Variants in HSD17B12 observed in about 807,000 individuals in gnomAD.
The protein encoded by HSD17B12 is hydroxysteroid 17-beta dehydrogenase 12.
In HSD17B12, 32 loss-of-function variants were observed where a neutral mutation model predicts 39.3. The ratio of observed to expected loss-of-function variants is 0.81; its 90% CI spans 0.61 to 1.09. The LOEUF is 1.09. HSD17B12 is among the 50% of genes least tolerant of loss of function. The probability of loss-of-function intolerance (pLI) is 0.00; values close to 1 mark genes in which losing one functional copy is unlikely to be tolerated. For missense variants in HSD17B12, 342 were observed against 382.9 expected (o/e 0.89, Z 0.89); for synonymous variants, 150 against 146.7 (o/e 1.02, Z -0.16).
intron 4 of HSD17B12, among the ~76,000 whole-genome samples, chr11:43,800,910 G>T (rs963706855): frequency 5.9e-5 from 9 of 152,102 alleles, no homozygotes; most frequent in Admixed American, 5.9e-4. Flanking sequence ...AGGCCAAGGC[G>T]AGAGGATCAC....
At chr11:43,810,884 A>G (rs1471677163) in intron 4 of HSD17B12, among the ~76,000 whole-genome samples, 1 of 152,208 alleles carries the variant, frequency 6.6e-6, no homozygotes, top group African/African-American at 2.4e-5. Flanking sequence ...AAAACTCACT[A>G]ATAAACATGT....
At chr11:43,741,158 A>T (rs187200273) in intron 1 of HSD17B12, among the ~76,000 whole-genome samples, 3 of 152,192 alleles carry the variant, frequency 2.0e-5, no homozygotes, top group Non-Finnish European at 2.9e-5. Context: ...CAACCAAGAG[A>T]TTATCTTAGG....
At chr11:43,821,710 A>G (rs1022570545) in intron 6 of HSD17B12, among the ~76,000 whole-genome samples, 1 of 152,218 alleles carries the variant, frequency 6.6e-6, no homozygotes, top group African/African-American at 2.4e-5. Flanking sequence ...AGAGGCAGAC[A>G]AATGTAGGTT....
chr11:43,736,850 A>G (rs1950320704), intron 1 of HSD17B12, among the ~76,000 whole-genome samples: 1 of 152,188 alleles, frequency 6.6e-6, no homozygotes, highest in African/African-American at 2.4e-5. Context: ...TGTGGTTTCT[A>G]AATTCAGCAC....
the HSD17B12 span, among the ~76,000 whole-genome samples, chr11:43,558,469 T>A: frequency 2.4e-4 from 36 of 152,020 alleles, no homozygotes; most frequent in Non-Finnish European, 4.4e-4. Context: ...TCAGCTGTAG[T>A]ACTGTACATT....
chr11:43,761,117 G>T (rs1286542395), intron 3 of HSD17B12, among the ~76,000 whole-genome samples: 1 of 152,190 alleles, frequency 6.6e-6, no homozygotes, highest in Non-Finnish European at 1.5e-5. Context: ...TTGAAGCATT[G>T]TTTCCACATA....
chr11:43,697,157 CAT>C (rs1364014955), intron 1 of HSD17B12, among the ~76,000 whole-genome samples: 1 of 152,174 alleles, frequency 6.6e-6, no homozygotes, highest in Non-Finnish European at 1.5e-5. Context: ...ATTCTGCACA[CAT>C]ATCCCAGAAC....
the HSD17B12 span, chr11:43,644,964 G>A: frequency 3.9e-5 from 6 of 152,188 alleles, no homozygotes; most frequent in African/African-American, 7.2e-5. Flanking sequence ...AATTTAAAAC[G>A]AGCACCAGGG....
At chr11:43,723,185 A>G (rs1292505421) in intron 1 of HSD17B12, among the ~76,000 whole-genome samples, 1 of 152,216 alleles carries the variant, frequency 6.6e-6, no homozygotes, top group African/African-American at 2.4e-5. Context: ...TAGAATTGAA[A>G]TCACTATTTA....
intron 4 of HSD17B12, among the ~76,000 whole-genome samples, chr11:43,803,647 A>C (rs925825051): frequency 5.9e-5 from 9 of 152,330 alleles, no homozygotes; most frequent in African/African-American, 2.2e-4. Context: ...GTCATGAAAG[A>C]AACATTAAGT....
chr11:43,594,449 A>T, the HSD17B12 span, among the ~76,000 whole-genome samples: 1 of 152,070 alleles, frequency 6.6e-6, no homozygotes, highest in Admixed American at 6.5e-5. Context: ...TATATATTTT[A>T]TGAGGAAATT....
chr11:43,823,821 G>A (rs1040704259), intron 6 of HSD17B12, among the ~76,000 whole-genome samples: 1 of 152,136 alleles, frequency 6.6e-6, no homozygotes. Flanking sequence ...TGGGAATAAG[G>A]GTCACACTGA....
At chr11:43,597,782 G>A in the HSD17B12 span, among the ~76,000 whole-genome samples, 1 of 152,040 alleles carries the variant, frequency 6.6e-6, no homozygotes, top group Non-Finnish European at 1.5e-5. Flanking sequence ...CTACAGGCAC[G>A]TGCCACCACA....
chr11:43,656,016 C>G, the HSD17B12 span, among the ~76,000 whole-genome samples: 1 of 152,136 alleles, frequency 6.6e-6, no homozygotes, highest in Non-Finnish European at 1.5e-5. Context: ...TAGAATTTGG[C>G]GGTGAATCCA....
chr11:43,724,337 G>A (rs372403930), intron 1 of HSD17B12, among the ~76,000 whole-genome samples: 15 of 151,938 alleles, frequency 9.9e-5, no homozygotes, highest in East Asian at 9.7e-4. Context: ...CTGCCTAAGG[G>A]CCTAGGGGTT....
chr11:43,832,861 C>G (rs2135115973), intron 7 of HSD17B12, among the ~76,000 whole-genome samples: 1 of 152,150 alleles, frequency 6.6e-6, no homozygotes, highest in South Asian at 2.1e-4. Context: ...AAGACCTCAT[C>G]TCTACTAAAA....
chr11:43,765,564 G>A lies in HSD17B12; in HGVS notation c.283+11443G>A, dbSNP rs117556997. Reference sequence around the variant, plus strand: ...TTAAATTTAAGTGTTCATAGTTTTCGGATAGTTTCTTCATCTCACACTCTT... The same window carrying A: ...TTAAATTTAAGTGTTCATAGTTTTCAGATAGTTTCTTCATCTCACACTCTT... On this transcript the variant is annotated intron_variant, in intron 3 of 10. Coordinates refer to ENST00000278353, the MANE Select transcript of HSD17B12 (RefSeq NM_016142.3). Among the ~76,000 whole-genome samples the A allele has an allele frequency of 5.8e-3, 878 of 151,094 alleles. 4 individuals carry two copies. Among genetic ancestry groups the A allele is most frequent in the Non-Finnish European group, 9.2e-3 (622 of 67,758 alleles).
the HSD17B12 span, among the ~76,000 whole-genome samples, chr11:43,599,306 C>A: frequency 1.3e-5 from 2 of 152,152 alleles, no homozygotes; most frequent in Non-Finnish European, 2.9e-5. Context: ...CTCAGATCAC[C>A]ATAGCCTATG....
chr11:43,590,492 T>TAGTGG, the HSD17B12 span, among the ~76,000 whole-genome samples: 10 of 143,482 alleles, frequency 7.0e-5, no homozygotes, highest in Non-Finnish European at 1.5e-4. Flanking sequence ...ATTTATTTTG[T>TAGTGG]AGTGGAGTGA....
Sources: allele counts gnomAD v4.1 joint callset (sites outside exome capture counted in the v4.1 genomes callset), GRCh38; gene constraint gnomAD v4.1.1; transcripts MANE v1.5; gene names NCBI Gene and HGNC (gene_info 2026-07-23, HGNC 2026-07-21).